Variants in EXOC4 observed in about 807,000 individuals in gnomAD.
The protein encoded by EXOC4 is SEC8-like 1.
A neutral mutation model predicts 107.2 loss-of-function variants in EXOC4; 71 were observed. That is an observed-to-expected ratio of 0.66 (90% CI 0.55 to 0.81). The LOEUF (loss-of-function observed/expected upper bound fraction) is 0.81. Among genes scored for constraint, EXOC4 ranks in the 30% least tolerant of loss-of-function variants. EXOC4 has a pLI of 0.00. For missense variants in EXOC4, 1,108 were observed against 1,189.6 expected, an observed-to-expected ratio of 0.93 and a Z score of 1.01; for synonymous variants, 456 against 441.2, an observed-to-expected ratio of 1.03 and a Z score of -0.42.
Position 133,268,702 on chromosome 7 carries a change from G to C in EXOC4, c.87-6280G>C, listed in dbSNP as rs78915001. Among the ~76,000 whole-genome samples the C allele has an allele frequency of 3.3e-5, 5 of 152,292 alleles. No individual in the cohort carries two copies. In the South Asian group the frequency reaches 8.3e-4, roughly 25 times the overall value. On this transcript the variant is annotated intron_variant, in intron 1 of 17. Coordinates refer to ENST00000253861, the MANE Select transcript of EXOC4 (RefSeq NM_021807.4). The stretch of plus-strand genomic sequence containing the variant: ...CCAGTTATTTACCCTGGGTTTTAAT[G>C]CTTGTTTATGGGACTCACTTGGAGC...
chr7:133,947,509 G>A (rs1800581199), intron 14 of EXOC4, among the ~76,000 whole-genome samples: 1 of 152,172 alleles, frequency 6.6e-6, no homozygotes, highest in Non-Finnish European at 1.5e-5. Flanking sequence ...TTTGAAAAAG[G>A]CACCTTTTGT....
intron 10 of EXOC4, among the ~76,000 whole-genome samples, chr7:133,656,389 ATG>A (rs573538423): frequency 0.1 from 15,216 of 152,078 alleles, 925 homozygotes; most frequent in African/African-American, 0.16. Flanking sequence ...GTATGTATGT[ATG>A]TATATCTGTG....
chr7:134,030,085 T>C (rs1196038532), intron 17 of EXOC4, among the ~76,000 whole-genome samples: 1 of 152,186 alleles, frequency 6.6e-6, no homozygotes, highest in African/African-American at 2.4e-5. Flanking sequence ...GCTACAAAGA[T>C]AAAAATATGA....
chr7:133,391,226 CT>C (rs1796844973), intron 7 of EXOC4, among the ~76,000 whole-genome samples: 1 of 152,158 alleles, frequency 6.6e-6, no homozygotes, highest in African/African-American at 2.4e-5. Context: ...AAATCCACTG[CT>C]TTGGATATGA....
At chr7:133,766,526 G>A (rs1003153876) in intron 10 of EXOC4, among the ~76,000 whole-genome samples, 1 of 151,960 alleles carries the variant, frequency 6.6e-6, no homozygotes, top group Non-Finnish European at 1.5e-5. Context: ...TAACAGAGTT[G>A]TTTTAATATC....
intron 13 of EXOC4, among the ~76,000 whole-genome samples, chr7:133,934,142 T>C (rs1005781538): frequency 5.3e-5 from 8 of 152,344 alleles, no homozygotes; most frequent in African/African-American, 1.9e-4. Flanking sequence ...AATGACTTCA[T>C]GGTTTTCCAT....
intron 9 of EXOC4, among the ~76,000 whole-genome samples, chr7:133,567,688 A>G (rs540995418): frequency 6.6e-6 from 1 of 152,208 alleles, no homozygotes; most frequent in Non-Finnish European, 1.5e-5. Flanking sequence ...TCATGCTTCT[A>G]GAGACTGGAA....
intron 9 of EXOC4, among the ~76,000 whole-genome samples, chr7:133,544,682 T>TA (rs1800445898): frequency 6.6e-6 from 1 of 151,988 alleles, no homozygotes; most frequent in Non-Finnish European, 1.5e-5. Flanking sequence ...GTAAGTTTGT[T>TA]AGATATTTTG....
At chr7:133,810,774 GCA>G (rs1265269460) in intron 10 of EXOC4, among the ~76,000 whole-genome samples, 7 of 151,964 alleles carry the variant, frequency 4.6e-5, no homozygotes, top group Non-Finnish European at 8.8e-5. Context: ...GGGTCTACAG[GCA>G]CCCGCCACCA....
chr7:133,263,785 A>G (rs1235714822), intron 1 of EXOC4, among the ~76,000 whole-genome samples: 5 of 52 alleles, frequency 0.096, no homozygotes, highest in African/African-American at 0.23. Context: ...AGATGGTGGG[A>G]AACAGGTTGA....
chr7:133,808,409 A>G (rs900748262), intron 10 of EXOC4, among the ~76,000 whole-genome samples: 29 of 152,284 alleles, frequency 1.9e-4, no homozygotes, highest in Non-Finnish European at 4.1e-4. Flanking sequence ...TCCCTTGTAA[A>G]TCATTTCTAA....
chr7:133,256,813 A>G (rs189979878), intron 1 of EXOC4, among the ~76,000 whole-genome samples: 1 of 152,312 alleles, frequency 6.6e-6, no homozygotes, highest in Admixed American at 6.5e-5. Flanking sequence ...TGACTTAAGG[A>G]CAGAGTATGT....
intron 10 of EXOC4, among the ~76,000 whole-genome samples, chr7:133,638,383 C>T (rs759759891): frequency 1.1e-4 from 16 of 152,156 alleles, no homozygotes; most frequent in Non-Finnish European, 1.9e-4. Flanking sequence ...TCCTAATATA[C>T]TGTGCAGCTT....
At chr7:133,526,338 G>C (rs187159880) in intron 9 of EXOC4, among the ~76,000 whole-genome samples, 1 of 152,172 alleles carries the variant, frequency 6.6e-6, no homozygotes, top group Non-Finnish European at 1.5e-5. Flanking sequence ...CTTTATTCAA[G>C]TTGATATCAG....
At chr7:133,856,932 C>G (rs890217416) in intron 11 of EXOC4, among the ~76,000 whole-genome samples, 2 of 150,586 alleles carry the variant, frequency 1.3e-5, no homozygotes, top group Non-Finnish European at 3.0e-5. Context: ...AACCCCGTCT[C>G]TACTAAAAAT....
chr7:133,411,225 A>G (rs1797348066), intron 7 of EXOC4, among the ~76,000 whole-genome samples: 1 of 152,200 alleles, frequency 6.6e-6, no homozygotes, highest in South Asian at 2.1e-4. Context: ...AGATGTATGT[A>G]GATTAGTGCA....
Position 133,356,545 on chromosome 7 carries a change from G to T in EXOC4, c.979G>T (p.Glu327Ter). 1 of 1,614,040 alleles carries T rather than the reference G, an allele frequency of 6.2e-7. No homozygotes were observed. The highest frequency in any genetic ancestry group is 8.5e-7 in the Non-Finnish European group (1 of 1,179,942). ...GGCAGACAGTGGCTATCAGCGGGGG[G>T]AGAACGTTACTGTGGAGAACCAACC... is the stretch of plus-strand genomic sequence containing the variant. ...QVADSGYQRG[E>*]NVTVENQPRL... The change falls in exon 6 of 18, where the codon GAG (glutamate) becomes TAG (stop). Residue 327 changes from glutamate (E) to a stop codon, truncating the protein, a stop_gained. Coordinates refer to ENST00000253861, the MANE Select transcript of EXOC4 (RefSeq NM_021807.4). LOFTEE classifies it high-confidence loss of function.
chr7:133,963,346 G>T (rs1380822127), intron 14 of EXOC4, among the ~76,000 whole-genome samples: 1 of 152,214 alleles, frequency 6.6e-6, no homozygotes, highest in Non-Finnish European at 1.5e-5. Flanking sequence ...TACATTAAGG[G>T]TTTAGGGTAC....
intron 13 of EXOC4, among the ~76,000 whole-genome samples, chr7:133,921,334 C>G (rs1478876484): frequency 6.6e-6 from 1 of 152,182 alleles, no homozygotes; most frequent in Non-Finnish European, 1.5e-5. Flanking sequence ...GGAGGATCTT[C>G]TTTACTAAGT....
Sources: allele counts gnomAD v4.1 joint callset (sites outside exome capture counted in the v4.1 genomes callset), GRCh38; gene constraint gnomAD v4.1.1; transcripts MANE v1.5; gene names NCBI Gene and HGNC (gene_info 2026-07-23, HGNC 2026-07-21).